The following CNTNAP4 variants were observed in gnomAD, a reference collection of about 807,000 sequenced individuals.
CNTNAP4 encodes contactin-associated protein-like 4.
Under a neutral mutation model 148.4 loss-of-function variants are expected in CNTNAP4, and 98 were observed. The observed-to-expected ratio is 0.66, with a 90% CI of 0.56 to 0.78. The LOEUF (loss-of-function observed/expected upper bound fraction) is 0.78, where lower values mean the gene tolerates loss of function less well. Among genes scored for constraint, CNTNAP4 ranks in the 30% least tolerant of loss-of-function variants. CNTNAP4 has a pLI of 0.00. For missense variants in CNTNAP4, 1,935 were observed against 1,565.6 expected (o/e 1.24, Z -3.98); for synonymous variants, 730 against 565.1 (o/e 1.29, Z -4.14).
Position 76,498,702 on chromosome 16 carries a change from G to A in CNTNAP4, c.2365+8G>A, listed in dbSNP as rs1171480998. ...TGCTCTGCCAGGGAGACAGTAAGTG[G>A]TTACAATGTGTTGAAACCGTATTTG... On this transcript the variant is annotated splice_region_variant and intron_variant, in intron 15 of 23. Coordinates refer to ENST00000611870, the MANE Select transcript of CNTNAP4 (RefSeq NM_033401.5). The A allele has an allele frequency of 1.3e-6, 2 of 1,595,402 alleles. No homozygotes were observed. Among genetic ancestry groups the A allele is most frequent in the Non-Finnish European group, 1.7e-6 (2 of 1,173,096 alleles).
At chr16:76,400,969 C>T (rs574314068) in intron 3 of CNTNAP4, among the ~76,000 whole-genome samples, 29 of 152,228 alleles carry the variant, frequency 1.9e-4, no homozygotes, top group Middle Eastern at 3.4e-3. Context: ...AGTCAGATAA[C>T]ATGACGTCTC....
At chr16:76,504,377 G>T (rs1177616295) in intron 15 of CNTNAP4, among the ~76,000 whole-genome samples, 8 of 151,296 alleles carry the variant, frequency 5.3e-5, no homozygotes, top group Non-Finnish European at 7.4e-5. Flanking sequence ...AAACAGATCT[G>T]GAACAATTCG....
At chr16:76,388,478 A>G (rs1463276226) in intron 3 of CNTNAP4, among the ~76,000 whole-genome samples, 1 of 152,240 alleles carries the variant, frequency 6.6e-6, no homozygotes, top group Non-Finnish European at 1.5e-5. Flanking sequence ...AAATGAAGGA[A>G]ACATTGATAT....
chr16:76,452,987 T>A (rs918329670), intron 8 of CNTNAP4, among the ~76,000 whole-genome samples: 3 of 152,200 alleles, frequency 2.0e-5, no homozygotes, highest in Non-Finnish European at 4.4e-5. Flanking sequence ...AAATGATAGT[T>A]TTGGGGAACT....
At chr16:76,360,627 C>T (rs1435117834) in intron 3 of CNTNAP4, among the ~76,000 whole-genome samples, 2 of 152,154 alleles carry the variant, frequency 1.3e-5, no homozygotes, top group Non-Finnish European at 2.9e-5. Context: ...TAGTACTTGG[C>T]AAATGCCTAG....
chr16:76,370,532 C>A (rs2014687195), intron 3 of CNTNAP4, among the ~76,000 whole-genome samples: 2 of 152,130 alleles, frequency 1.3e-5, no homozygotes, highest in Admixed American at 1.3e-4. Context: ...ACTTGCAGAT[C>A]TTTTTCAAGT....
chr16:76,437,580 G>T (rs1285059272), intron 4 of CNTNAP4, among the ~76,000 whole-genome samples: 2 of 151,924 alleles, frequency 1.3e-5, no homozygotes, highest in Non-Finnish European at 2.9e-5. Flanking sequence ...GAATGAATGG[G>T]TTCATGATAA....
At chr16:76,436,682 A>G (rs2079840665) in intron 4 of CNTNAP4, among the ~76,000 whole-genome samples, 1 of 152,128 alleles carries the variant, frequency 6.6e-6, no homozygotes, top group Non-Finnish European at 1.5e-5. Flanking sequence ...GGTATTATGT[A>G]TAGAGTCACT....
At chr16:76,518,687 C>G (rs2083344391) in intron 15 of CNTNAP4, among the ~76,000 whole-genome samples, 1 of 152,076 alleles carries the variant, frequency 6.6e-6, no homozygotes, top group African/African-American at 2.4e-5. Context: ...TTTATCATTT[C>G]TGGGAGTTGG....
At chr16:76,525,313 G>A (rs2083670798) in intron 17 of CNTNAP4, among the ~76,000 whole-genome samples, 1 of 151,354 alleles carries the variant, frequency 6.6e-6, no homozygotes, top group East Asian at 1.9e-4. Flanking sequence ...AGTAATTAGA[G>A]CTAATTTAAT....
intron 3 of CNTNAP4, among the ~76,000 whole-genome samples, chr16:76,362,216 A>T (rs944367203): frequency 2.0e-5 from 3 of 152,206 alleles, no homozygotes; most frequent in Non-Finnish European, 4.4e-5. Flanking sequence ...AGAGCTGTAC[A>T]CTGAAAACTA....
intron 5 of CNTNAP4, 111 bp from the exon 6 acceptor site, chr16:76,448,656 C>G (rs1445007431): frequency 2.7e-6 from 2 of 734,104 alleles, no homozygotes; most frequent in Non-Finnish European, 2.1e-6. Context: ...AAACGGAATG[C>G]GTAGAAGGAG....
chr16:76,423,558 C>T (rs745982322), intron 3 of CNTNAP4, among the ~76,000 whole-genome samples: 6 of 152,086 alleles, frequency 3.9e-5, no homozygotes, highest in Non-Finnish European at 8.8e-5. Flanking sequence ...ATTGTTATGG[C>T]AACAATTCTT....
At chr16:76,298,398 G>C (rs1300346198) in intron 1 of CNTNAP4, among the ~76,000 whole-genome samples, 1 of 152,016 alleles carries the variant, frequency 6.6e-6, no homozygotes, top group Non-Finnish European at 1.5e-5. Flanking sequence ...TTGAAAATGA[G>C]TTTAGAATTA....
intron 2 of CNTNAP4, among the ~76,000 whole-genome samples, chr16:76,349,393 G>C (rs566808251): frequency 5.9e-5 from 9 of 152,244 alleles, no homozygotes; most frequent in Middle Eastern, 6.8e-3. Flanking sequence ...CATGAGAACA[G>C]ACCGACAGCA....
At position 76,491,586 on chromosome 16, in the gene CNTNAP4, G is replaced by A. The variant is rs943114770; in HGVS notation, c.2080+1703G>A. Among the ~76,000 whole-genome samples, 5 of 152,114 alleles carry A rather than the reference G, an allele frequency of 3.3e-5. No homozygotes were observed. In the South Asian group the frequency reaches 8.3e-4, roughly 25 times the overall value. ...AGTTTGTAATGGGTTGTTCATTGTT[G>A]GTGAATATTCATCTTAGAATAAAAA... On this transcript the variant is annotated intron_variant, in intron 13 of 23. Coordinates refer to ENST00000611870, the MANE Select transcript of CNTNAP4 (RefSeq NM_033401.5).
chr16:76,509,006 C>T (rs2082924148), intron 15 of CNTNAP4, among the ~76,000 whole-genome samples: 1 of 96,776 alleles, frequency 1.0e-5, no homozygotes, highest in Non-Finnish European at 2.9e-5. Context: ...CCGCCTTGGC[C>T]TCCCAAAGTG....
intron 9 of CNTNAP4, among the ~76,000 whole-genome samples, chr16:76,462,714 A>C (rs1378071558): frequency 6.6e-6 from 1 of 152,204 alleles, no homozygotes; most frequent in Admixed American, 6.5e-5. Flanking sequence ...TGGAAAAGAA[A>C]ACCTAAAAAA....
chr16:76,440,358 TTTAAG>T (rs1372920872), intron 4 of CNTNAP4, among the ~76,000 whole-genome samples: 1 of 152,262 alleles, frequency 6.6e-6, no homozygotes. Context: ...ATTTTTCTCT[TTTAAG>T]TTTTTAGTCA....
Sources: allele counts gnomAD v4.1 joint callset (sites outside exome capture counted in the v4.1 genomes callset), GRCh38; gene constraint gnomAD v4.1.1; transcripts MANE v1.5; gene names NCBI Gene and HGNC (gene_info 2026-07-23, HGNC 2026-07-21).